Variants in KCNQ2 observed in about 807,000 individuals in gnomAD.
KCNQ2 encodes potassium voltage-gated channel subfamily KQT member 2.
KCNQ2 carries 14 observed loss-of-function variants against 84.8 expected under a neutral mutation model. That is an observed-to-expected ratio of 0.17 (90% CI 0.11 to 0.26). The LOEUF is 0.26. Ranked by LOEUF, KCNQ2 falls within the 10% of genes least tolerant of loss-of-function variation. The pLI is 1.00. For missense variants in KCNQ2, 788 were observed against 1,254.0 expected (o/e 0.63, Z 5.61); for synonymous variants, 599 against 554.1 (o/e 1.08, Z -1.14).
rs1555850884 is a variant in KCNQ2 at position 63,407,158 on chromosome 20, G to A, written c.2105C>T (p.Ser702Leu). 5 of 1,595,638 alleles carry A rather than the reference G, an allele frequency of 3.1e-6. No homozygotes were observed. The highest frequency in any genetic ancestry group is 1.1e-5 in the South Asian group (1 of 89,554). ...SSSSTGQKNF[S>L]APPAAPPVQC... The stretch of plus-strand genomic sequence containing the variant: ...GACAGGGGGCGCGGCCGGGGGCGCC[G>A]AGAAGTTCTTCTGGCCCGTGGAGCT... The change falls in exon 17 of 17, where the codon TCG (serine) becomes TTG (leucine). Residue 702 changes from serine (S) to leucine (L), a missense_variant. Around this residue, in one of 8 missense-constraint regions of KCNQ2, gnomAD observed 378 missense variants for 434.5 expected, o/e 0.87. Coordinates refer to ENST00000359125, the MANE Select transcript of KCNQ2 (RefSeq NM_172107.4). This position sits in a 1 kb window ranked among gnomAD's most constrained non-coding sequence, Gnocchi z 7.2.
intron 1 of KCNQ2, chr20:63,448,149 C>T (rs1223342239): frequency 6.6e-6 from 1 of 152,290 alleles, no homozygotes; most frequent in Non-Finnish European, 1.5e-5. Flanking sequence ...GCAGGAAAGC[C>T]AACTCCCGCG....
intron 11 of KCNQ2, chr20:63,422,662 G>A (rs981400227): frequency 6.6e-6 from 1 of 152,516 alleles, no homozygotes; most frequent in African/African-American, 2.4e-5. Context: ...CCAAAGAGAG[G>A]GCAGACGAGA....
intron 7 of KCNQ2, among the ~76,000 whole-genome samples, chr20:63,435,450 C>A (rs553584196): frequency 1.3e-5 from 2 of 151,348 alleles, no homozygotes; most frequent in African/African-American, 4.9e-5. Context: ...GACTGAACTG[C>A]TGCCATCTCA....
intron 5 of KCNQ2, 68 bp from the exon 6 acceptor site, chr20:63,439,776 G>C (rs2081105897): frequency 8.3e-7 from 1 of 1,204,962 alleles, no homozygotes; most frequent in South Asian, 1.2e-5. Flanking sequence ...CTGGACGCCC[G>C]CTGGCGACTC....
At chr20:63,420,210 TG>T (rs2080424648) in intron 11 of KCNQ2, among the ~76,000 whole-genome samples, 1 of 152,220 alleles carries the variant, frequency 6.6e-6, no homozygotes, top group Non-Finnish European at 1.5e-5. Flanking sequence ...CATGGCTATC[TG>T]GGGGTTCAAG....
chr20:63,449,960 C>A (rs1475197877), intron 1 of KCNQ2, among the ~76,000 whole-genome samples: 1 of 152,078 alleles, frequency 6.6e-6, no homozygotes, highest in Non-Finnish European at 1.5e-5. Flanking sequence ...CAGACCCCGT[C>A]CCGCACCATC....
chr20:63,451,758 T>A (rs2081622077), intron 1 of KCNQ2, among the ~76,000 whole-genome samples: 1 of 152,058 alleles, frequency 6.6e-6, no homozygotes, highest in African/African-American at 2.4e-5. Flanking sequence ...GAGGCCAGCA[T>A]GGCCCCCTGC....
rs749934609 is a variant in KCNQ2 at position 63,439,658 on chromosome 20, G to A, written c.867C>T (p.Asn289=). The part of the protein sequence containing the change: ...GYGDKYPQTW[N]GRLLAATFTL... ...TGAAGGTTGCCGCAAGGAGCCTGCCGTTCCAGGTCTGGGGGTACTTGTCCC... is the reference window on the plus strand; with the variant it reads ...TGAAGGTTGCCGCAAGGAGCCTGCCATTCCAGGTCTGGGGGTACTTGTCCC... The change falls in exon 6 of 17, where the codon AAC becomes AAT. Residue 289 remains asparagine, a synonymous_variant. Coordinates refer to ENST00000359125, the MANE Select transcript of KCNQ2 (RefSeq NM_172107.4). 3.4e-5 allele frequency: 55 copies of A among 1,613,874 alleles called. No homozygotes were observed. In the East Asian group the frequency reaches 6.9e-4, roughly 20 times the overall value.
In KCNQ2 at chr20:63,405,106, TGGCCTCAG is replaced by T. The variant is rs1296706433; in HGVS notation, c.*1530_*1537del. 1 of 152,286 alleles carries T rather than the reference TGGCCTCAG, an allele frequency of 6.6e-6. No homozygotes were observed. The highest frequency in any genetic ancestry group is 2.4e-5 in the African/African-American group (1 of 41,436). 9.4% of individuals were successfully genotyped at this position (152,286 alleles called of 1,614,324 possible). On this transcript the variant is annotated 3_prime_UTR_variant, in exon 17 of 17. Coordinates refer to ENST00000359125, the MANE Select transcript of KCNQ2 (RefSeq NM_172107.4). ...TCTCCCTCAGGACTGGTTCCCCTGC[TGGCCTCAG>T]GGCCTCAGGACCTCCCAGCCAAGCC...
At chr20:63,439,852 G>T in intron 5 of KCNQ2, 144 bp from the exon 6 acceptor site, 1 of 708,692 alleles carries the variant, frequency 1.4e-6, no homozygotes, top group South Asian at 1.5e-5. Context: ...GCCCAGTGAG[G>T]CCAGGGTCGG....
In KCNQ2 at chr20:63,404,733, C is replaced by T. The variant is rs1188733743; in HGVS notation, c.*1911G>A. 1.3e-5 allele frequency: 2 copies of T among 152,372 alleles called. No homozygotes were observed. The highest frequency in any genetic ancestry group is 2.9e-5 in the Non-Finnish European group (2 of 68,154). 9.4% of individuals were successfully genotyped at this position (152,372 alleles called of 1,614,324 possible). On this transcript the variant is annotated 3_prime_UTR_variant, in exon 17 of 17. Transcript: ENST00000359125. ...CTGCCCCCAAAACACGTAGCGATGCCCACACCAGAAGGGATGCTTCATGCC... is the reference window on the plus strand; with the variant it reads ...CTGCCCCCAAAACACGTAGCGATGCTCACACCAGAAGGGATGCTTCATGCC...
intron 1 of KCNQ2, among the ~76,000 whole-genome samples, chr20:63,449,789 C>T (rs1453080753): frequency 3.3e-5 from 5 of 151,158 alleles, no homozygotes; most frequent in South Asian, 2.5e-4. Context: ...GACTTTTGGC[C>T]GCGGAGGCAG....
chr20:63,455,261 C>T (rs1568960772), intron 1 of KCNQ2, among the ~76,000 whole-genome samples: 1 of 152,220 alleles, frequency 6.6e-6, no homozygotes, highest in East Asian at 1.9e-4. Context: ...CGGAGCTTCC[C>T]TGGCAGCCGT....
At chr20:63,420,858 C>A (rs1017020437) in intron 11 of KCNQ2, among the ~76,000 whole-genome samples, 6 of 152,112 alleles carry the variant, frequency 3.9e-5, no homozygotes, top group African/African-American at 1.5e-4. Context: ...GGATGTAGTG[C>A]AAAGGCTGGA....
In KCNQ2 at chr20:63,446,870, C is replaced by T. The variant is rs2081443647; in HGVS notation, c.297-33G>A. On this transcript the variant is annotated intron_variant, in intron 1 of 16. Transcript: ENST00000359125. This position sits in a 1 kb window ranked among gnomAD's most constrained non-coding sequence, Gnocchi z 5.5. ...CAGGGAACGCGCGCTCTCAGACAGG[C>T]CGCAGCAGGGCAGCAGCATGGCTGT... The T allele has an allele frequency of 2.5e-6, 4 of 1,579,414 alleles. No individual in the cohort carries two copies. The highest frequency in any genetic ancestry group is 3.5e-6 in the Non-Finnish European group (4 of 1,149,176).
chr20:63,418,457 G>A (rs75272497), intron 12 of KCNQ2, among the ~76,000 whole-genome samples: 4,217 of 152,250 alleles, frequency 0.028, 85 homozygotes, highest in Non-Finnish European at 0.04. Flanking sequence ...GACCAACGAC[G>A]CCCAGGAAGC....
intron 15 of KCNQ2, among the ~76,000 whole-genome samples, chr20:63,410,548 GCACA>G (rs2080091964): frequency 6.6e-6 from 1 of 152,224 alleles, no homozygotes; most frequent in Non-Finnish European, 1.5e-5. Flanking sequence ...CAGCCCCAGG[GCACA>G]GCACTCTTGG....
At position 63,471,408 on chromosome 20, in the gene KCNQ2, G is replaced by A. The variant is rs1396623233; in HGVS notation, c.296+760C>T. 2.6e-5 allele frequency among the ~76,000 whole-genome samples: 4 copies of A among 152,364 alleles called. No individual in the cohort carries two copies. In the East Asian group the frequency reaches 5.8e-4, roughly 22 times the overall value. ...CCCTGAGCCTCGCCCGGGAAGAGGG[G>A]ACAGCCCCTTCCAGGCCCAGGGCTG... On this transcript the variant is annotated intron_variant, in intron 1 of 16. Transcript: ENST00000359125.
intron 1 of KCNQ2, among the ~76,000 whole-genome samples, chr20:63,465,199 G>A (rs996708893): frequency 2.6e-5 from 4 of 152,208 alleles, no homozygotes; most frequent in Admixed American, 6.5e-5. Flanking sequence ...TCTCCTGGAC[G>A]AATTAAAAGC....
Sources: allele counts gnomAD v4.1 joint callset (sites outside exome capture counted in the v4.1 genomes callset), GRCh38; gene constraint gnomAD v4.1.1; regional missense constraint gnomAD v4.1.1; non-coding constraint Gnocchi (gnomAD v3.1); transcripts MANE v1.5; gene names NCBI Gene and HGNC (gene_info 2026-07-23, HGNC 2026-07-21).